LENG8: variants seen among roughly 807,000 people sequenced by gnomAD.
LENG8 encodes the protein leukocyte receptor cluster (LRC) member 8.
LENG8 carries 28 observed loss-of-function variants against 102.1 expected under a neutral mutation model. The observed-to-expected ratio is 0.27, with a 90% CI of 0.20 to 0.38. The LOEUF (loss-of-function observed/expected upper bound fraction) is 0.38. LENG8 is among the 10% of genes least tolerant of loss of function. The pLI, the probability that LENG8 is intolerant of heterozygous loss-of-function variation, is 1.00. For synonymous variants in LENG8, 531 were observed against 456.7 expected, an observed-to-expected ratio of 1.16 and a Z score of -2.07; for missense variants, 1,022 against 1,113.9, an observed-to-expected ratio of 0.92 and a Z score of 1.17.
intron 7 of LENG8, 92 bp from the exon 8 acceptor site, chr19:54,455,272 G>C: frequency 6.6e-7 from 1 of 1,518,204 alleles, no homozygotes; most frequent in Non-Finnish European, 9.1e-7. Context: ...CTTGGGGACT[G>C]CGTCCCGCTG....
chr19:54,451,932 A>G (rs1193089242), intron 2 of LENG8, 161 bp from the exon 3 acceptor site: 2 of 601,302 alleles, frequency 3.3e-6, no homozygotes, highest in South Asian at 2.5e-5. Flanking sequence ...CAGACTCTGA[A>G]GCAGAAACCC....
chr19:54,458,895 C>G lies in LENG8; in HGVS notation c.2240+374C>G, dbSNP rs1425617130. ...TCTGCTTTCTCAGCTTGTCGCTGTG[C>G]TCCCACCATAGAGACCATCTAGACA... is the stretch of plus-strand genomic sequence containing the variant. On this transcript the variant is annotated intron_variant, in intron 15 of 15. Coordinates refer to ENST00000326764, the MANE Select transcript of LENG8 (RefSeq NM_052925.4). 3 of 1,545,330 alleles carry G rather than the reference C, an allele frequency of 1.9e-6. No individual in the cohort carries two copies. The Admixed American group carries it at 5.9e-5, about 30-fold the overall frequency.
At chr19:54,449,712 C>T (rs571587633) in intron 1 of LENG8, 6 of 152,542 alleles carry the variant, frequency 3.9e-5, no homozygotes, top group African/African-American at 9.6e-5. Flanking sequence ...CCGGCGTCCT[C>T]CTTTGCCTTC....
chr19:54,457,044 A>G, intron 11 of LENG8, 123 bp downstream of exon 11: 1 of 1,125,656 alleles, frequency 8.9e-7, no homozygotes, highest in Non-Finnish European at 1.2e-6. Flanking sequence ...AAGCTCGGCC[A>G]GAGACGCCTC....
intron 11 of LENG8, 27 bp from the exon 12 acceptor site, chr19:54,457,718 CCG>C: frequency 6.6e-7 from 1 of 1,518,406 alleles, no homozygotes; most frequent in Non-Finnish European, 9.2e-7. Context: ...GAGTTGTACT[CCG>C]AGTGTGAATT....
chr19:54,458,540 C>T lies in LENG8; in HGVS notation c.2240+19C>T. The stretch of plus-strand genomic sequence containing the variant: ...TCAAAACGTATGTGGTGCCAAGCTC[C>T]CTTCTGCCTTTGCTCTTCCCATCCT... On this transcript the variant is annotated intron_variant, in intron 15 of 15. Coordinates refer to ENST00000326764, the MANE Select transcript of LENG8 (RefSeq NM_052925.4). The T allele has an allele frequency of 1.2e-6, 2 of 1,613,978 alleles. No homozygotes were observed. The highest frequency in any genetic ancestry group is 1.7e-6 in the Non-Finnish European group (2 of 1,179,868).
At chr19:54,450,892 T>G (rs2083931729) in intron 1 of LENG8, among the ~76,000 whole-genome samples, 1 of 152,182 alleles carries the variant, frequency 6.6e-6, no homozygotes, top group African/African-American at 2.4e-5. Flanking sequence ...AGTGCTGGGA[T>G]TACAGGCGTG....
At position 54,456,762 on chromosome 19, in the gene LENG8, G is replaced by T; in HGVS notation, c.1572G>T (p.Leu524=). The T allele has an allele frequency of 6.2e-7, 1 of 1,611,510 alleles. No homozygotes were observed. The highest frequency in any genetic ancestry group is 1.7e-5 in the Admixed American group (1 of 59,888). Residue 524 remains leucine (L), a synonymous_variant, in exon 11 of 16, where the codon CTG becomes CTT. Transcript: ENST00000326764. Reference sequence around the variant, plus strand: ...TCCAGCACGGACACTCCCGCCGCCTGCGCCTCGAGCCCCTGGTGCTGCAGA... The same window carrying T: ...TCCAGCACGGACACTCCCGCCGCCTTCGCCTCGAGCCCCTGGTGCTGCAGA... ...ARFQHGHSRR[L]RLEPLVLQMS... is the part of the protein sequence containing the mutation.
chr19:54,457,948 C>T lies in LENG8; in HGVS notation c.1848C>T (p.Arg616=), dbSNP rs551413817. 1.4e-5 allele frequency: 23 copies of T among 1,613,932 alleles called. No homozygotes were observed. Among genetic ancestry groups the T allele is most frequent in the Middle Eastern group, 1.6e-4 (1 of 6,062 alleles). ...CGCTGCCCCAGGTGCAGGGCATCCG[C>T]ACCGAGTTCACGGTGGAGGTGTACG... ...IRQDLTVQGI[R]TEFTVEVYET... Residue 616 remains arginine (R), a synonymous_variant, in exon 13 of 16, where the codon CGC becomes CGT. Coordinates refer to ENST00000326764, the MANE Select transcript of LENG8 (RefSeq NM_052925.4).
At chr19:54,459,897 T>C in intron 15 of LENG8, 1 of 1,172,046 alleles carries the variant, frequency 8.5e-7, no homozygotes, top group Non-Finnish European at 1.1e-6. Context: ...GAATGGTGGC[T>C]CTCAAGCTTC....
At position 54,461,617 on chromosome 19, in the gene LENG8, TCTG is replaced by T. The variant is rs2084566245; in HGVS notation, c.*690_*692del. Reference sequence around the variant, plus strand: ...TCCTCCCTCTGCCCCCAGTGTTTCTTCTGATTTTTTTTTCCCCTTTCCCTCCCT... The same window carrying T: ...TCCTCCCTCTGCCCCCAGTGTTTCTTATTTTTTTTTCCCCTTTCCCTCCCT... On this transcript the variant is annotated 3_prime_UTR_variant, in exon 16 of 16. Transcript: ENST00000326764. 2.1e-6 allele frequency: 1 copy of T among 472,992 alleles called. No individual in the cohort carries two copies. The highest frequency in any genetic ancestry group is 4.4e-6 in the Non-Finnish European group (1 of 228,406). The allele number at this position is 472,992 out of a possible 1,614,324, so 29.3% of individuals were successfully genotyped here.
chr19:54,455,319 GTTTGGGA>G (rs932834047), intron 7 of LENG8, 38 bp from the exon 8 acceptor site: 3 of 1,603,396 alleles, frequency 1.9e-6, no homozygotes, highest in Non-Finnish European at 2.6e-6. Context: ...GGTCTTTTGA[GTTTGGGA>G]TCGTCTCCAG....
In LENG8 at chr19:54,455,044, A is replaced by G. The variant is rs765917295; in HGVS notation, c.773A>G (p.His258Arg). 6.2e-7 allele frequency: 1 copy of G among 1,614,154 alleles called. No individual in the cohort carries two copies. Among genetic ancestry groups the G allele is most frequent in the Non-Finnish European group, 8.5e-7 (1 of 1,180,020 alleles). The change falls in exon 7 of 16, where the codon CAC becomes CGC. Residue 258 changes from histidine (H) to arginine (R), a missense_variant. His to Arg is a conservative substitution (Grantham distance 29). This residue lies in a region of LENG8 where 343 missense variants were observed against 320.2 expected (regional missense o/e 1.07). Coordinates refer to ENST00000326764, the MANE Select transcript of LENG8 (RefSeq NM_052925.4). The stretch of plus-strand genomic sequence containing the variant: ...TTTGGCTCCAACGCAGAGGGCCAGC[A>G]CAGTGGTTTTGGCCCCCAGCCCAAC... ...QSFGSNAEGQ[H>R]SGFGPQPNPE... is the part of the protein sequence containing the mutation.
intron 15 of LENG8, chr19:54,458,878 C>T: frequency 6.5e-7 from 1 of 1,549,000 alleles, no homozygotes. Flanking sequence ...TCTCTGCTTT[C>T]TCAGCTTGTC....
chr19:54,460,516 TC>T, intron 15 of LENG8: 1 of 1,381,064 alleles, frequency 7.2e-7, no homozygotes. Flanking sequence ...TCCCTGCCCG[TC>T]CCCGCTCCTC....
chr19:54,450,420 A>G (rs2083904232), intron 1 of LENG8, among the ~76,000 whole-genome samples: 1 of 151,958 alleles, frequency 6.6e-6, no homozygotes, highest in Admixed American at 6.6e-5. Context: ...ACTTCCGGAA[A>G]ATCCCCTTTT....
intron 1 of LENG8, chr19:54,449,696 C>T (rs377026761): frequency 5.9e-5 from 9 of 152,482 alleles, no homozygotes; most frequent in South Asian, 2.1e-4. Context: ...GAGCGGCCTC[C>T]TCCACCCGGC....
intron 6 of LENG8, 117 bp from the exon 7 acceptor site, chr19:54,454,834 T>C: frequency 6.9e-7 from 1 of 1,459,430 alleles, no homozygotes; most frequent in Non-Finnish European, 9.3e-7. Context: ...ACATGTGTGC[T>C]GGAGCCCTCC....
rs919971390 is a variant in LENG8, at chr19:54,450,056, T to G, written c.-56+746T>G. Among the ~76,000 whole-genome samples the G allele has an allele frequency of 2.0e-4, 31 of 152,150 alleles. 2 individuals are homozygous for G. The highest frequency in any genetic ancestry group is 1.5e-5 in the Non-Finnish European group (1 of 68,024). On this transcript the variant is annotated intron_variant, in intron 1 of 15. Transcript: ENST00000326764. ...CTTATCAGTTACTCCCTCTCGGGAG[T>G]TTAGGCTCCTGAATCCTTGCTCCGG... is the stretch of plus-strand genomic sequence containing the variant.
Sources: gnomAD v4.1 joint callset for allele counts (sites outside exome capture counted in the v4.1 genomes callset) on GRCh38, gnomAD v4.1.1 for gene constraint, gnomAD v4.1.1 regional missense constraint, MANE v1.5 for transcripts, NCBI Gene and HGNC (gene_info 2026-07-23, HGNC 2026-07-21) for gene names.